Variants in STAB1 observed in about 807,000 individuals in gnomAD.
STAB1 encodes stabilin 1, also known as stabilin-1.
STAB1 carries 250 observed loss-of-function variants against 332.4 expected under a neutral mutation model. The observed-to-expected ratio is 0.75, with a 90% CI of 0.68 to 0.84. The LOEUF is 0.84. Ranked by LOEUF, STAB1 falls within the 40% of genes least tolerant of loss-of-function variation. STAB1 has a pLI of 0.00. For missense variants in STAB1, 3,249 were observed against 3,489.7 expected (o/e 0.93, Z 1.74); for synonymous variants, 1,475 against 1,390.4 (o/e 1.06, Z -1.35).
intron 55 of STAB1, 40 bp downstream of exon 55, chr3:52,521,045 C>T (rs139225609): frequency 6.7e-7 from 1 of 1,488,882 alleles, no homozygotes; most frequent in South Asian, 1.4e-5. Flanking sequence ...CCTCTGTTCC[C>T]CAAGAGAGCC....
At chr3:52,516,514 T>C (rs745909151) in intron 39 of STAB1, 28 bp from the exon 40 acceptor site, 3 of 1,613,292 alleles carry the variant, frequency 1.9e-6, no homozygotes, top group East Asian at 4.5e-5. Flanking sequence ...TGGGTCTGAA[T>C]GACCAGAGTC....
Position 52,522,437 on chromosome 3 carries a change from C to A in STAB1, c.6573C>A (p.Cys2191Ter). The A allele has an allele frequency of 1.2e-6, 2 of 1,613,178 alleles. No homozygotes were observed. The highest frequency in any genetic ancestry group is 1.7e-6 in the Non-Finnish European group (2 of 1,180,026). Reference sequence around the variant, plus strand: ...GCTGCTTGGGCCAGCCACCGCCCTGCCACTCAGATGCCATGTGCACTGACC... The same window carrying A: ...GCTGCTTGGGCCAGCCACCGCCCTGACACTCAGATGCCATGTGCACTGACC... Reference protein sequence around the residue: ...VDRCLGQPPPCHSDAMCTDLH... With the variant: ...VDRCLGQPPP Residue 2191 changes from cysteine to a stop codon, truncating the protein, a stop_gained, in exon 60 of 69, where the codon TGC becomes TGA. Transcript: ENST00000321725. LOFTEE classifies it high-confidence loss of function.
chr3:52,503,060 C>T lies in STAB1; in HGVS notation c.645C>T (p.Pro215=). ...PQNTQCSAEA[P]SCRCLPGYTQ... ...ACACCCAGTGCTCCGCAGAGGCTCCCAGCTGCAGGTGCCTGCCCGGCTACA... is the reference window on the plus strand; with the variant it reads ...ACACCCAGTGCTCCGCAGAGGCTCCTAGCTGCAGGTGCCTGCCCGGCTACA... Residue 215 remains proline, a synonymous_variant, in exon 7 of 69, where the codon CCC becomes CCT. Transcript: ENST00000321725. 6.2e-7 allele frequency: 1 copy of T among 1,603,812 alleles called. No homozygotes were observed. Among genetic ancestry groups the T allele is most frequent in the Non-Finnish European group, 8.5e-7 (1 of 1,176,392 alleles).
rs755545238 is a variant in STAB1 at position 52,505,970 on chromosome 3, G to C, written c.1749+34G>C. On this transcript the variant is annotated intron_variant, in intron 16 of 68. Coordinates refer to ENST00000321725, the MANE Select transcript of STAB1 (RefSeq NM_015136.3). ...TCTTTTTCTGGGGGGCGGCCAGCTT[G>C]TACCCGGTGGGCCTGCCTGCAGGTT... is the stretch of plus-strand genomic sequence containing the variant. The C allele has an allele frequency of 2.5e-6, 4 of 1,612,254 alleles. No individual in the cohort carries two copies. In the East Asian group the frequency reaches 8.9e-5, roughly 36 times the overall value.
chr3:52,512,771 T>G lies in STAB1; in HGVS notation c.3028-57T>G, dbSNP rs562289885. On this transcript the variant is annotated intron_variant, in intron 28 of 68. Coordinates refer to ENST00000321725, the MANE Select transcript of STAB1 (RefSeq NM_015136.3). The stretch of plus-strand genomic sequence containing the variant: ...GGGCTGGAGCCTAGAGCAGGGGATC[T>G]GAAGATGATGGCTGCCTTCCTCGCT... 12 of 1,605,842 alleles carry G rather than the reference T, an allele frequency of 7.5e-6. No individual in the cohort carries two copies. In the South Asian group the frequency reaches 1.2e-4, roughly 16 times the overall value.
intron 48 of STAB1, 149 bp from the exon 49 acceptor site, chr3:52,519,115 C>G: frequency 8.6e-7 from 1 of 1,167,834 alleles, no homozygotes; most frequent in Admixed American, 2.1e-5. Flanking sequence ...TGACTCCGCC[C>G]CAGACCCCGC....
intron 21 of STAB1, among the ~76,000 whole-genome samples, chr3:52,508,829 CAATAAT>C (rs10532068): frequency 2.7e-5 from 4 of 150,152 alleles, no homozygotes; most frequent in African/African-American, 4.9e-5. Flanking sequence ...CCCAAAATAA[CAATAAT>C]AATAATAATA....
intron 42 of STAB1, 72 bp from the exon 43 acceptor site, chr3:52,517,248 A>G (rs1469469931): frequency 1.3e-6 from 2 of 1,486,548 alleles, no homozygotes; most frequent in African/African-American, 2.8e-5. Flanking sequence ...GGTGGGACAG[A>G]TGAAGGTACA....
At chr3:52,502,128 G>C in intron 4 of STAB1, 31 bp from the exon 5 acceptor site, 1 of 1,613,544 alleles carries the variant, frequency 6.2e-7, no homozygotes, top group Non-Finnish European at 8.5e-7. Context: ...GGCTCAGAGG[G>C]GCCACGCTGA....
chr3:52,506,372 C>T, intron 17 of STAB1, 122 bp downstream of exon 17: 3 of 922,316 alleles, frequency 3.3e-6, no homozygotes, highest in Non-Finnish European at 5.1e-6. Context: ...CCATGGCGGG[C>T]TCATGGGGAA....
At position 52,504,186 on chromosome 3, in the gene STAB1, G is replaced by A. The variant is rs1044989379; in HGVS notation, c.1150+31G>A. ...TGACCCCACTGCTTGCCCACGACCCGACCCCTCACCCCCAGCACAGTTGGC... is the reference window on the plus strand; with the variant it reads ...TGACCCCACTGCTTGCCCACGACCCAACCCCTCACCCCCAGCACAGTTGGC... On this transcript the variant is annotated intron_variant, in intron 10 of 68. Coordinates refer to ENST00000321725, the MANE Select transcript of STAB1 (RefSeq NM_015136.3). 7.0e-6 allele frequency: 11 copies of A among 1,565,212 alleles called. 1 individual carries two copies. In the Middle Eastern group the frequency reaches 6.3e-4, roughly 89 times the overall value.
In STAB1 at chr3:52,520,208, T is replaced by G; in HGVS notation, c.5417T>G (p.Leu1806Trp). 1 of 1,613,172 alleles carries G rather than the reference T, an allele frequency of 6.2e-7. No homozygotes were observed. Among genetic ancestry groups the G allele is most frequent in the Non-Finnish European group, 8.5e-7 (1 of 1,180,024 alleles). The change falls in exon 52 of 69, where the codon TTG (leucine) becomes TGG (tryptophan). Residue 1806 changes from leucine (L) to tryptophan (W), a missense_variant. Coordinates refer to ENST00000321725, the MANE Select transcript of STAB1 (RefSeq NM_015136.3). ...RGHMIRNVEALASDLPNLGPL... is the reference protein window; with the variant it reads ...RGHMIRNVEAWASDLPNLGPL... Reference sequence around the variant, plus strand: ...ACCATGACTCCACTTGCTCAGGCCTTGGCATCTGACCTGCCCAACCTGGGC... The same window carrying G: ...ACCATGACTCCACTTGCTCAGGCCTGGGCATCTGACCTGCCCAACCTGGGC...
At position 52,502,633 on chromosome 3, in the gene STAB1, G is replaced by A. The variant is rs756799026; in HGVS notation, c.489G>A (p.Val163=). 2.5e-6 allele frequency: 4 copies of A among 1,611,164 alleles called. No homozygotes were observed. The South Asian group carries it at 3.3e-5, about 13-fold the overall frequency. ...TCTGTCTCTGTGTGTCCCTCCCAGT[G>A]TGCAGCTGTGTGCACGGAGTGTGCA... ...PNRFGPDCQS[V]CSCVHGVCNH... Residue 163 remains valine, a splice_region_variant and synonymous_variant, in exon 6 of 69, where the codon GTG becomes GTA. Coordinates refer to ENST00000321725, the MANE Select transcript of STAB1 (RefSeq NM_015136.3).
chr3:52,510,539 T>C (rs772366047), intron 25 of STAB1, 32 bp downstream of exon 25: 1 of 1,599,982 alleles, frequency 6.3e-7, no homozygotes, highest in Non-Finnish European at 8.5e-7. Flanking sequence ...GTGGGGGCCT[T>C]GGTTCTGGGG....
Position 52,515,411 on chromosome 3 carries a change from C to T in STAB1, c.3865-12C>T. 1.2e-6 allele frequency: 2 copies of T among 1,612,458 alleles called. No homozygotes were observed. Among genetic ancestry groups the T allele is most frequent in the Non-Finnish European group, 1.7e-6 (2 of 1,179,966 alleles). ...CCACTGGCTGACCCCTCCTGCCTGT[C>T]CCCGTTTCCAGGACACACCCAGGAA... is the stretch of plus-strand genomic sequence containing the variant. On this transcript the variant is annotated splice_polypyrimidine_tract_variant and intron_variant, in intron 36 of 68. Coordinates refer to ENST00000321725, the MANE Select transcript of STAB1 (RefSeq NM_015136.3).
Position 52,511,689 on chromosome 3 carries a change from T to C in STAB1, c.2827T>C (p.Tyr943His). 4.3e-6 allele frequency: 7 copies of C among 1,610,880 alleles called. No homozygotes were observed. Among genetic ancestry groups the C allele is most frequent in the Non-Finnish European group, 5.9e-6 (7 of 1,178,738 alleles). Residue 943 changes from tyrosine (Y) to histidine (H), a missense_variant, in exon 26 of 69, where the codon TAC (tyrosine) becomes CAC (histidine). Transcript: ENST00000321725. ...CAAGCTGGGCTTTGCCGGGGATGGC[T>C]ACCAGTGCAGCCCCATCGACCCCTG... ...TCKLGFAGDG[Y>H]QCSPIDPCRA...
chr3:52,512,810 C>T lies in STAB1; in HGVS notation c.3028-18C>T. The T allele has an allele frequency of 6.2e-7, 1 of 1,607,202 alleles. No homozygotes were observed. The highest frequency in any genetic ancestry group is 8.5e-7 in the Non-Finnish European group (1 of 1,178,914). On this transcript the variant is annotated intron_variant, in intron 28 of 68. Transcript: ENST00000321725. ...GCCTTCCTCGCTCCTCCCGCCCCTG[C>T]TCCCTGTGTGCGTGCAGAGTGCCGG...
chr3:52,517,825 TG>T, intron 44 of STAB1, 55 bp from the exon 45 acceptor site: 2 of 1,610,166 alleles, frequency 1.2e-6, no homozygotes, highest in Non-Finnish European at 1.7e-6. Flanking sequence ...CAGGGCTGAG[TG>T]GGATAGAGAA....
rs1248738823 is a variant in STAB1 at position 52,521,882 on chromosome 3, G to T, written c.6202G>T (p.Ala2068Ser). The T allele has an allele frequency of 6.2e-7, 1 of 1,606,786 alleles. No individual in the cohort carries two copies. The highest frequency in any genetic ancestry group is 1.3e-5 in the African/African-American group (1 of 74,860). The change falls in exon 58 of 69, where the codon GCT becomes TCT. Residue 2068 changes from alanine to serine, a missense_variant. Coordinates refer to ENST00000321725, the MANE Select transcript of STAB1 (RefSeq NM_015136.3). ...GTGTACCCCACCCTGTGCACCCGAG[G>T]CTGTGTGCCGTGCAGGCAACAGCTG... ...PVCTPPCAPE[A>S]VCRAGNSCEC...
Sources: gnomAD v4.1 joint callset for allele counts (sites outside exome capture counted in the v4.1 genomes callset) on GRCh38, gnomAD v4.1.1 for gene constraint, MANE v1.5 for transcripts, NCBI Gene and HGNC (gene_info 2026-07-23, HGNC 2026-07-21) for gene names.